PHF14: variants seen among roughly 807,000 people sequenced by gnomAD.
PHF14 encodes the protein PHD finger protein 14.
PHF14 carries 55 observed loss-of-function variants against 117.9 expected under a neutral mutation model. The observed-to-expected ratio is 0.47, with a 90% CI of 0.38 to 0.58. The LOEUF (loss-of-function observed/expected upper bound fraction) is 0.58. Ranked by LOEUF, PHF14 falls within the 20% of genes least tolerant of loss-of-function variation. The probability of loss-of-function intolerance (pLI) is 0.00; values close to 1 mark genes in which losing one functional copy is unlikely to be tolerated. For synonymous variants in PHF14, 409 were observed against 368.6 expected, an observed-to-expected ratio of 1.11 and a Z score of -1.26; for missense variants, 978 against 1,122.2, an observed-to-expected ratio of 0.87 and a Z score of 1.84.
intron 16 of PHF14, among the ~76,000 whole-genome samples, chr7:11,073,960 C>T (rs1785722569): frequency 1.3e-5 from 2 of 152,180 alleles, no homozygotes; most frequent in Non-Finnish European, 2.9e-5. Flanking sequence ...ATTCTGGGAG[C>T]AGTGTCCTGA....
At chr7:11,078,849 T>A (rs1583444147) in intron 16 of PHF14, among the ~76,000 whole-genome samples, 1 of 152,144 alleles carries the variant, frequency 6.6e-6, no homozygotes, top group Non-Finnish European at 1.5e-5. Context: ...TCTGAAAAAT[T>A]TGTCTTTTCC....
intron 17 of PHF14, among the ~76,000 whole-genome samples, chr7:11,132,796 C>A (rs1341634418): frequency 6.6e-6 from 1 of 151,800 alleles, no homozygotes; most frequent in Non-Finnish European, 1.5e-5. Flanking sequence ...AATTAGCCAT[C>A]CTAATGAGTA....
intron 4 of PHF14, among the ~76,000 whole-genome samples, chr7:11,004,285 A>T (rs998632382): frequency 6.7e-6 from 1 of 149,934 alleles, no homozygotes; most frequent in Non-Finnish European, 1.5e-5. Context: ...GAAAAAGAAA[A>T]CATCTCTCAT....
At chr7:11,083,724 T>G (rs1786263708) in intron 16 of PHF14, among the ~76,000 whole-genome samples, 1 of 152,070 alleles carries the variant, frequency 6.6e-6, no homozygotes, top group South Asian at 2.1e-4. Context: ...CCTCCCAAAG[T>G]GCTAGGAGTA....
At chr7:11,033,851 T>C (rs1029636909) in intron 7 of PHF14, among the ~76,000 whole-genome samples, 8 of 152,184 alleles carry the variant, frequency 5.3e-5, no homozygotes, top group African/African-American at 1.9e-4. Context: ...ATTTAGAGCA[T>C]GTCATGAGAA....
intron 11 of PHF14, among the ~76,000 whole-genome samples, chr7:11,039,624 A>G (rs867542241): frequency 6.6e-6 from 1 of 152,188 alleles, no homozygotes; most frequent in African/African-American, 2.4e-5. Flanking sequence ...TTTCGAACAG[A>G]TATTTTTCAT....
chr7:11,040,771 T>A lies in PHF14; in HGVS notation c.2176T>A (p.Tyr726Asn). Residue 726 changes from tyrosine to asparagine, a missense_variant, in exon 12 of 18, where the codon TAT becomes AAT. Tyr to Asn is a moderately radical substitution (Grantham distance 143). Around this residue, in one of 7 missense-constraint regions of PHF14, gnomAD observed 237 missense variants for 276.4 expected, o/e 0.86. Transcript: ENST00000634607. ...GACATCTACTCTTCCTGCAGTACTTTATAGGCAAGTAATGAAATTAATAAT... is the reference window on the plus strand; with the variant it reads ...GACATCTACTCTTCCTGCAGTACTTAATAGGCAAGTAATGAAATTAATAAT... Reference protein sequence around the residue: ...QKTSTLPAVLYSCGICKKNHD... With the variant: ...QKTSTLPAVLNSCGICKKNHD... 1.4e-6 allele frequency: 2 copies of A among 1,441,764 alleles called. No individual in the cohort carries two copies. Among genetic ancestry groups the A allele is most frequent in the Non-Finnish European group, 1.9e-6 (2 of 1,057,606 alleles). The allele number at this position is 1,441,764 out of a possible 1,614,324, so 89.3% of individuals were successfully genotyped here.
At chr7:11,088,080 C>T (rs1245284053) in intron 16 of PHF14, among the ~76,000 whole-genome samples, 2 of 152,108 alleles carry the variant, frequency 1.3e-5, no homozygotes, top group Non-Finnish European at 2.9e-5. Context: ...GATTCCAGGA[C>T]CGCTCTCGGA....
At chr7:11,151,029 A>G (rs144568835) in intron 17 of PHF14, among the ~76,000 whole-genome samples, 96 of 152,350 alleles carry the variant, frequency 6.3e-4, no homozygotes, top group African/African-American at 2.2e-3. Context: ...TAAAAGATAT[A>G]TCAATGATTT....
At chr7:11,010,216 T>A (rs1783298505) in intron 4 of PHF14, among the ~76,000 whole-genome samples, 1 of 152,126 alleles carries the variant, frequency 6.6e-6, no homozygotes, top group Admixed American at 6.5e-5. Flanking sequence ...ACCGTTTCAT[T>A]TTATGATTTT....
intron 17 of PHF14, among the ~76,000 whole-genome samples, chr7:11,147,952 CCCATCACAATTTA>C (rs1399823324): frequency 2.0e-5 from 3 of 152,132 alleles, no homozygotes; most frequent in African/African-American, 7.2e-5. Context: ...CTTCTCTATT[CCCATCACAATTTA>C]CTTCTCCCAC....
chr7:11,038,881 C>A, intron 11 of PHF14, 26 bp downstream of exon 11: 2 of 1,103,116 alleles, frequency 1.8e-6, no homozygotes, highest in Non-Finnish European at 2.7e-6. Context: ...ATTGCTGTCT[C>A]CTTCAGTTCT....
intron 11 of PHF14, among the ~76,000 whole-genome samples, chr7:11,039,568 G>A (rs1329729015): frequency 6.6e-6 from 1 of 152,132 alleles, no homozygotes; most frequent in East Asian, 1.9e-4. Context: ...GAGACCCACT[G>A]TTTGTGGTCC....
intron 16 of PHF14, chr7:11,110,352 G>A (rs1003321087): frequency 6.5e-6 from 1 of 153,324 alleles, no homozygotes; most frequent in Admixed American, 6.6e-5. Flanking sequence ...GATTGGTTGA[G>A]AAAGTATTAT....
At chr7:10,978,917 C>T (rs978932912) in intron 2 of PHF14, among the ~76,000 whole-genome samples, 4 of 152,122 alleles carry the variant, frequency 2.6e-5, no homozygotes, top group African/African-American at 9.7e-5. Context: ...GATTGGCTGT[C>T]TTCAAGACAT....
intron 17 of PHF14, among the ~76,000 whole-genome samples, chr7:11,117,053 A>T (rs1787619097): frequency 6.6e-6 from 1 of 151,952 alleles, no homozygotes; most frequent in African/African-American, 2.4e-5. Context: ...TAAAATGATG[A>T]TAACTTGTCT....
chr7:11,106,984 G>C, intron 16 of PHF14: 1 of 983,324 alleles, frequency 1.0e-6, no homozygotes, highest in African/African-American at 1.7e-5. Flanking sequence ...CCTTGTTCAA[G>C]TCTATGTTAT....
chr7:11,019,730 TTTTA>T (rs1440942891), intron 5 of PHF14, among the ~76,000 whole-genome samples: 1 of 152,160 alleles, frequency 6.6e-6, no homozygotes, highest in African/African-American at 2.4e-5. Flanking sequence ...TTTATTTCAA[TTTTA>T]TTTATTTCTG....
At chr7:11,069,486 C>T (rs1018861056) in intron 16 of PHF14, among the ~76,000 whole-genome samples, 30 of 152,116 alleles carry the variant, frequency 2.0e-4, no homozygotes, top group African/African-American at 7.2e-4. Flanking sequence ...TCAAAATCAA[C>T]CTTGCAAATC....
Sources: allele counts gnomAD v4.1 joint callset (sites outside exome capture counted in the v4.1 genomes callset), GRCh38; gene constraint gnomAD v4.1.1; regional missense constraint gnomAD v4.1.1; transcripts MANE v1.5; gene names NCBI Gene and HGNC (gene_info 2026-07-23, HGNC 2026-07-21).